The following PCBP2 variants were observed in gnomAD, a reference collection of about 807,000 sequenced individuals.
PCBP2 encodes the protein poly(rC)-binding protein 2.
A neutral mutation model predicts 50.1 loss-of-function variants in PCBP2; 4 were observed. The observed-to-expected ratio is 0.08, with a 90% CI of 0.04 to 0.18. PCBP2 has a LOEUF of 0.18. Ranked by LOEUF, PCBP2 falls within the 10% of genes least tolerant of loss-of-function variation. The pLI is 1.00. For missense variants in PCBP2, 161 were observed against 474.3 expected (o/e 0.34, Z 6.14); for synonymous variants, 179 against 168.0 (o/e 1.07, Z -0.51).
chr12:53,479,567 A>G lies in PCBP2; in HGVS notation c.*125A>G, dbSNP rs982603117. The G allele has an allele frequency of 1.1e-5, 8 of 750,318 alleles. No homozygotes were observed. The Middle Eastern group carries it at 1.9e-3, about 175-fold the overall frequency. 46.5% of individuals were successfully genotyped at this position (750,318 alleles called of 1,614,324 possible). On this transcript the variant is annotated 3_prime_UTR_variant, in exon 15 of 15. Transcript: ENST00000546463. ...GTTTGTAAATTTTCAGTTTCTACACACTTTATCATCCACTCGTGATTTTTT... is the reference window on the plus strand; with the variant it reads ...GTTTGTAAATTTTCAGTTTCTACACGCTTTATCATCCACTCGTGATTTTTT...
chr12:53,478,016 T>C (rs1389866913), intron 14 of PCBP2, among the ~76,000 whole-genome samples: 1 of 152,202 alleles, frequency 6.6e-6, no homozygotes. Flanking sequence ...GCATACTGAG[T>C]ACTTAAATAC....
chr12:53,466,209 C>T (rs1267662057), intron 10 of PCBP2, among the ~76,000 whole-genome samples: 1 of 152,226 alleles, frequency 6.6e-6, no homozygotes, highest in Non-Finnish European at 1.5e-5. Flanking sequence ...TCCTTTCCCC[C>T]TGTGTTTCAG....
chr12:53,455,825 T>A, intron 4 of PCBP2, 60 bp from the exon 5 acceptor site: 1 of 1,128,572 alleles, frequency 8.9e-7, no homozygotes. Flanking sequence ...GGACTGTAGA[T>A]CCTGTACATA....
rs1940929427 is a variant in PCBP2, at chr12:53,455,381, T to A, written c.93+11T>A. On this transcript the variant is annotated intron_variant, in intron 3 of 14. Transcript: ENST00000546463. ...AGTATCATCGGAAAGGTAAGACAATTTCACTTCAACTTCAATTACCATTTA... is the reference window on the plus strand; with the variant it reads ...AGTATCATCGGAAAGGTAAGACAATATCACTTCAACTTCAATTACCATTTA... 1 of 1,613,962 alleles carries A rather than the reference T, an allele frequency of 6.2e-7. No individual in the cohort carries two copies. Among genetic ancestry groups the A allele is most frequent in the African/African-American group, 1.3e-5 (1 of 74,934 alleles).
intron 14 of PCBP2, chr12:53,474,790 T>C: frequency 2.9e-6 from 1 of 349,564 alleles, no homozygotes; most frequent in Non-Finnish European, 5.7e-6. Context: ...TGAAGCAGTT[T>C]TTGTCCTGTA....
intron 14 of PCBP2, among the ~76,000 whole-genome samples, chr12:53,472,296 G>A (rs1942297303): frequency 6.6e-6 from 1 of 152,190 alleles, no homozygotes; most frequent in Non-Finnish European, 1.5e-5. Context: ...CTGCATGTGT[G>A]TTTTATTCAG....
rs1283105952 is a variant in PCBP2, at chr12:53,471,513, G to A, written c.883-125G>A. On this transcript the variant is annotated intron_variant, in intron 13 of 14. Coordinates refer to ENST00000546463, the MANE Select transcript of PCBP2 (RefSeq NM_031989.5). ...CCAGGAGGCTGAGGTTGCACAGTGA[G>A]CCAAGATCAGGCCACTGCACTCCAG... 11 of 857,658 alleles carry A rather than the reference G, an allele frequency of 1.3e-5. No homozygotes were observed. In the East Asian group the frequency reaches 2.6e-4, roughly 20 times the overall value. 53.1% of individuals were successfully genotyped at this position (857,658 alleles called of 1,614,324 possible). A position where few individuals can be genotyped will look rare whatever the true frequency, so the allele number is the denominator to read the frequency against.
intron 13 of PCBP2, 134 bp from the exon 14 acceptor site, chr12:53,471,504 G>C: frequency 1.3e-6 from 1 of 759,900 alleles, no homozygotes; most frequent in Non-Finnish European, 2.0e-6. Flanking sequence ...GGCTGAGGTT[G>C]CACAGTGAGC....
intron 10 of PCBP2, among the ~76,000 whole-genome samples, chr12:53,466,457 T>C (rs1026374281): frequency 2.6e-5 from 4 of 152,204 alleles, no homozygotes; most frequent in Non-Finnish European, 4.4e-5. Context: ...AACCTGAACA[T>C]TTCAGAATTC....
intron 14 of PCBP2, among the ~76,000 whole-genome samples, chr12:53,474,574 G>A (rs1201889276): frequency 6.6e-6 from 1 of 152,180 alleles, no homozygotes; most frequent in African/African-American, 2.4e-5. Context: ...CAACATCTGG[G>A]TTGGGTCAGT....
chr12:53,473,528 G>A (rs2249381), intron 14 of PCBP2, among the ~76,000 whole-genome samples: 75,618 of 152,098 alleles, frequency 0.5, 19,117 homozygotes, highest in Middle Eastern at 0.57. Flanking sequence ...CTGTTTAAAT[G>A]TGACCTGCTT....
At chr12:53,466,104 A>G (rs1941801064) in intron 10 of PCBP2, 131 bp downstream of exon 10, 1 of 775,350 alleles carries the variant, frequency 1.3e-6, no homozygotes, top group South Asian at 1.5e-5. Flanking sequence ...TTTTCTTCAC[A>G]AGGTCAATCC....
chr12:53,454,821 A>G lies in PCBP2; in HGVS notation c.21A>G (p.Glu7=). The G allele has an allele frequency of 6.2e-7, 1 of 1,614,168 alleles. No individual in the cohort carries two copies. The highest frequency in any genetic ancestry group is 8.5e-7 in the Non-Finnish European group (1 of 1,179,996). MDTGVI[E]GGLNVTLTIR... ...TCGACATGGACACCGGTGTGATTGA[A>G]GGTGGATTAAATGTCACTCTCACCA... The change falls in exon 2 of 15, where the codon GAA becomes GAG. Residue 7 remains glutamate, a synonymous_variant. Coordinates refer to ENST00000546463, the MANE Select transcript of PCBP2 (RefSeq NM_031989.5).
In PCBP2 at chr12:53,454,851, G is replaced by C; in HGVS notation, c.51G>C (p.Arg17=). The change falls in exon 2 of 15, where the codon CGG becomes CGC. Residue 17 remains arginine, a synonymous_variant. Coordinates refer to ENST00000546463, the MANE Select transcript of PCBP2 (RefSeq NM_031989.5). ...EGGLNVTLTI[R]LLMHGKEVGS... ...GATTAAATGTCACTCTCACCATCCG[G>C]CTACTTATGCATGGAAAGGTATGCT... 1 of 1,614,074 alleles carries C rather than the reference G, an allele frequency of 6.2e-7. No homozygotes were observed. The highest frequency in any genetic ancestry group is 8.5e-7 in the Non-Finnish European group (1 of 1,179,932).
At chr12:53,460,417 A>G (rs563286204) in intron 6 of PCBP2, 18 of 352,120 alleles carry the variant, frequency 5.1e-5, no homozygotes, top group Middle Eastern at 3.8e-4. Flanking sequence ...AAGTGCTCGG[A>G]TTACAGATGT....
chr12:53,462,393 G>A, intron 7 of PCBP2, 100 bp from the exon 8 acceptor site: 1 of 880,942 alleles, frequency 1.1e-6, no homozygotes, highest in South Asian at 1.7e-5. Context: ...GATGGAAATA[G>A]TTTTTAATTT....
chr12:53,462,617 A>C, intron 8 of PCBP2, 50 bp downstream of exon 8: 1 of 1,490,996 alleles, frequency 6.7e-7, no homozygotes, highest in Non-Finnish European at 9.3e-7. Flanking sequence ...TTATATTTGA[A>C]ATGTCAACTT....
At chr12:53,469,301 A>G (rs937803826) in intron 13 of PCBP2, among the ~76,000 whole-genome samples, 1 of 152,148 alleles carries the variant, frequency 6.6e-6, no homozygotes, top group Non-Finnish European at 1.5e-5. Flanking sequence ...GGAATGGAAA[A>G]TGGGAATTTT....
At chr12:53,462,320 C>A (rs1380855205) in intron 7 of PCBP2, among the ~76,000 whole-genome samples, 173 bp from the exon 8 acceptor site, 1 of 152,120 alleles carries the variant, frequency 6.6e-6, no homozygotes, top group Admixed American at 6.5e-5. Context: ...GCATTAAAGG[C>A]AAATAACTTT....
Sources: allele counts gnomAD v4.1 joint callset (sites outside exome capture counted in the v4.1 genomes callset), GRCh38; gene constraint gnomAD v4.1.1; transcripts MANE v1.5; gene names NCBI Gene and HGNC (gene_info 2026-07-23, HGNC 2026-07-21).